TSC22D2: variants seen among roughly 807,000 people sequenced by gnomAD.
TSC22D2 encodes the protein TSC22 domain family protein 2.
In TSC22D2, 5 loss-of-function variants were observed where a neutral mutation model predicts 50.1. The ratio of observed to expected loss-of-function variants is 0.10; its 90% confidence interval spans 0.05 to 0.21. TSC22D2 has a LOEUF of 0.21. TSC22D2 is among the 10% of genes least tolerant of loss of function. The pLI is 1.00. For synonymous variants in TSC22D2, 501 were observed against 450.1 expected (o/e 1.11, Z -1.43); for missense variants, 1,003 against 1,015.5 (o/e 0.99, Z 0.17).
At chr3:150,441,775 A>G (rs1377477278) in intron 1 of TSC22D2, among the ~76,000 whole-genome samples, 2 of 152,272 alleles carry the variant, frequency 1.3e-5, no homozygotes, top group Non-Finnish European at 2.9e-5. Flanking sequence ...CAGTCAATAA[A>G]TAGAGTCATC....
chr3:150,447,502 A>G (rs1188574135), intron 1 of TSC22D2, among the ~76,000 whole-genome samples: 1 of 152,148 alleles, frequency 6.6e-6, no homozygotes, highest in Non-Finnish European at 1.5e-5. Context: ...CTACATTTCC[A>G]TGTCTCCAAA....
intron 1 of TSC22D2, among the ~76,000 whole-genome samples, chr3:150,445,008 A>G (rs1720833660): frequency 1.3e-5 from 2 of 152,184 alleles, no homozygotes; most frequent in Non-Finnish European, 2.9e-5. Context: ...TAACACTACT[A>G]AAGGAAGACC....
At chr3:150,432,888 C>G (rs1486009289) in intron 1 of TSC22D2, among the ~76,000 whole-genome samples, 5 of 152,076 alleles carry the variant, frequency 3.3e-5, no homozygotes, top group African/African-American at 1.2e-4. Context: ...TGACTCTATT[C>G]TAGCCTGACA....
intron 1 of TSC22D2, among the ~76,000 whole-genome samples, chr3:150,421,364 A>C (rs1720003233): frequency 6.6e-6 from 1 of 152,142 alleles, no homozygotes; most frequent in Non-Finnish European, 1.5e-5. Flanking sequence ...ACCAGATTGA[A>C]TGTTCAATTG....
rs1260850376 is a variant in TSC22D2, at chr3:150,409,323, G to A, written c.-28G>A. 1 of 1,560,478 alleles carries A rather than the reference G, an allele frequency of 6.4e-7. No homozygotes were observed. The highest frequency in any genetic ancestry group is 1.2e-5 in the South Asian group (1 of 86,584). On this transcript the variant is annotated 5_prime_UTR_variant, in exon 1 of 3. Coordinates refer to ENST00000688009, the MANE Select transcript of TSC22D2 (RefSeq NM_001303264.2). This position sits in a 1 kb window ranked among gnomAD's most constrained non-coding sequence, Gnocchi z 7.4. ...CGACAGGACCCAGAGGAGCCGGCGT[G>A]CCTCTCTGCCCTCCAGCCTTCTTCA... is the stretch of plus-strand genomic sequence containing the variant.
rs148625305 is a variant in TSC22D2 at position 150,430,165 on chromosome 3, G to T, written c.1958+18857G>T. Reference sequence around the variant, plus strand: ...GGATTGGTCAAAGCTTCTTCAGGAGGTGGCTTTTGAGTTGGAAACTGAAAG... The same window carrying T: ...GGATTGGTCAAAGCTTCTTCAGGAGTTGGCTTTTGAGTTGGAAACTGAAAG... On this transcript the variant is annotated intron_variant, in intron 1 of 2. Coordinates refer to ENST00000688009, the MANE Select transcript of TSC22D2 (RefSeq NM_001303264.2). Among the ~76,000 whole-genome samples the T allele has an allele frequency of 2.3e-3, 355 of 152,232 alleles. 1 individual carries two copies. Among genetic ancestry groups the T allele is most frequent in the Non-Finnish European group, 4.1e-3 (282 of 68,020 alleles).
At chr3:150,428,615 T>TTA (rs1720277239) in intron 1 of TSC22D2, among the ~76,000 whole-genome samples, 1 of 150,970 alleles carries the variant, frequency 6.6e-6, no homozygotes, top group Admixed American at 6.6e-5. Context: ...AAAAACATAC[T>TTA]TAGATATGTG....
In TSC22D2 at chr3:150,408,988, G is replaced by A. The variant is rs936208443; in HGVS notation, c.-363G>A. 4 of 204,884 alleles carry A rather than the reference G, an allele frequency of 2.0e-5. No individual in the cohort carries two copies. Among genetic ancestry groups the A allele is most frequent in the Non-Finnish European group, 4.1e-5 (4 of 98,738 alleles). 12.7% of individuals were successfully genotyped at this position (204,884 alleles called of 1,614,324 possible). A position where few individuals can be genotyped will look rare whatever the true frequency, so the allele number is the denominator to read the frequency against. Reference sequence around the variant, plus strand: ...ACCGCGCCGAGCGCCGAGCTGGACTGACCACGGCTGCCCGGAGACGAGAGA... The same window carrying A: ...ACCGCGCCGAGCGCCGAGCTGGACTAACCACGGCTGCCCGGAGACGAGAGA... On this transcript the variant is annotated 5_prime_UTR_variant, in exon 1 of 3. Coordinates refer to ENST00000688009, the MANE Select transcript of TSC22D2 (RefSeq NM_001303264.2).
In TSC22D2 at chr3:150,417,752, C is replaced by A. The variant is rs550538466; in HGVS notation, c.1958+6444C>A. ...TGTCCAAACTGCTCTCCCAGATCACCCCTTTACATGTTATAAATCATACCA... is the reference window on the plus strand; with the variant it reads ...TGTCCAAACTGCTCTCCCAGATCACACCTTTACATGTTATAAATCATACCA... On this transcript the variant is annotated intron_variant, in intron 1 of 2. Transcript: ENST00000688009. Among the ~76,000 whole-genome samples, 6 of 152,134 alleles carry A rather than the reference C, an allele frequency of 3.9e-5. No individual in the cohort carries two copies. The South Asian group carries it at 1.2e-3, about 31-fold the overall frequency.
intron 1 of TSC22D2, among the ~76,000 whole-genome samples, chr3:150,421,265 AACAG>A (rs552649374): frequency 8.7e-4 from 132 of 152,278 alleles, no homozygotes; most frequent in Non-Finnish European, 1.5e-3. Context: ...GAGGTCTCCA[AACAG>A]ACCTTTGAGG....
At chr3:150,437,824 T>TA (rs1468024427) in intron 1 of TSC22D2, among the ~76,000 whole-genome samples, 2 of 151,324 alleles carry the variant, frequency 1.3e-5, no homozygotes, top group East Asian at 1.9e-4. Context: ...AATAAATAAA[T>TA]AAATAAAATA....
At chr3:150,416,051 C>T (rs529805576) in intron 1 of TSC22D2, among the ~76,000 whole-genome samples, 2 of 152,222 alleles carry the variant, frequency 1.3e-5, no homozygotes, top group South Asian at 4.2e-4. Flanking sequence ...AGGAATCTGA[C>T]CTTCCTTTCC....
intron 1 of TSC22D2, among the ~76,000 whole-genome samples, chr3:150,423,711 G>GA (rs1269594102): frequency 6.6e-6 from 1 of 152,148 alleles, no homozygotes; most frequent in East Asian, 1.9e-4. Flanking sequence ...AATACAGAAT[G>GA]AAGTCTTGGA....
chr3:150,436,832 A>G (rs1011254147), intron 1 of TSC22D2, among the ~76,000 whole-genome samples: 2 of 152,236 alleles, frequency 1.3e-5, no homozygotes, highest in Admixed American at 6.5e-5. Context: ...TTAAGTGACC[A>G]TGTGTAATAG....
chr3:150,442,450 CAA>C (rs1365874516), intron 1 of TSC22D2, among the ~76,000 whole-genome samples: 7 of 152,172 alleles, frequency 4.6e-5, no homozygotes, highest in African/African-American at 1.7e-4. Flanking sequence ...CAATTAGAGA[CAA>C]GACTCAAATG....
Position 150,410,330 on chromosome 3 carries a change from C to A in TSC22D2, c.980C>A (p.Thr327Lys), listed in dbSNP as rs923190304. 1.9e-6 allele frequency: 3 copies of A among 1,582,266 alleles called. No homozygotes were observed. The highest frequency in any genetic ancestry group is 2.3e-5 in the South Asian group (2 of 87,594). Residue 327 changes from threonine (T) to lysine (K), a missense_variant, in exon 1 of 3, where the codon ACG becomes AAG. Transcript: ENST00000688009. The stretch of plus-strand genomic sequence containing the variant: ...CCCGGGGGACAGACTCTGCCGCCGA[C>A]GAATGTAACCCTGGCGCAGCCGGCT... The part of the protein sequence containing the change: ...AGPGGQTLPP[T>K]NVTLAQPAMS...
At chr3:150,452,553 T>C (rs916377132) in intron 1 of TSC22D2, among the ~76,000 whole-genome samples, 3 of 152,174 alleles carry the variant, frequency 2.0e-5, no homozygotes, top group African/African-American at 4.8e-5. Context: ...TTCTCAGTAA[T>C]GTTGCAAGTA....
At chr3:150,443,156 T>G (rs776052362) in intron 1 of TSC22D2, among the ~76,000 whole-genome samples, 8 of 152,222 alleles carry the variant, frequency 5.3e-5, no homozygotes, top group Non-Finnish European at 1.0e-4. Flanking sequence ...TCTGAATACC[T>G]CCAGTGATGT....
chr3:150,453,959 C>T (rs11925759), intron 1 of TSC22D2, among the ~76,000 whole-genome samples: 23,077 of 152,082 alleles, frequency 0.15, 1,934 homozygotes, highest in Non-Finnish European at 0.2. Flanking sequence ...ATTATGTAAA[C>T]TCATTTAATC....
Sources: gnomAD v4.1 joint callset for allele counts (sites outside exome capture counted in the v4.1 genomes callset) on GRCh38, gnomAD v4.1.1 for gene constraint, Gnocchi (gnomAD v3.1) non-coding constraint, MANE v1.5 for transcripts, NCBI Gene and HGNC (gene_info 2026-07-23, HGNC 2026-07-21) for gene names.